The following GLS2 variants were observed in gnomAD, a reference collection of about 807,000 sequenced individuals.
The protein encoded by GLS2 is glutaminase liver isoform, mitochondrial.
GLS2 carries 52 observed loss-of-function variants against 79.0 expected under a neutral mutation model. That is an observed-to-expected ratio of 0.66 (90% CI 0.53 to 0.83). The LOEUF (loss-of-function observed/expected upper bound fraction) is 0.83, where lower values mean the gene tolerates loss of function less well. Ranked by LOEUF, GLS2 falls within the 40% of genes least tolerant of loss-of-function variation. The probability of loss-of-function intolerance (pLI) is 0.00; values close to 1 mark genes in which losing one functional copy is unlikely to be tolerated. For missense variants in GLS2, 561 were observed against 764.8 expected (o/e 0.73, Z 3.14); for synonymous variants, 238 against 280.8 (o/e 0.85, Z 1.52).
chr12:56,475,248 T>C (rs911695979), intron 9 of GLS2, 138 bp from the exon 10 acceptor site: 12 of 1,576,974 alleles, frequency 7.6e-6, no homozygotes, highest in Non-Finnish European at 1.7e-6. Context: ...CTCACAGTAA[T>C]ATTAGAGGAA....
chr12:56,475,034 T>C lies in GLS2; in HGVS notation c.996+10A>G, dbSNP rs1869679247. On this transcript the variant is annotated intron_variant, in intron 10 of 17. Coordinates refer to ENST00000311966, the MANE Select transcript of GLS2 (RefSeq NM_013267.4). ...CCCAGGGACTTTCTCTTCCGGCCTC[T>C]TCTGGTTACCTTCTTTTCCTTGAGA... The C allele has an allele frequency of 6.2e-7, 1 of 1,614,154 alleles. No homozygotes were observed. Among genetic ancestry groups the C allele is most frequent in the Non-Finnish European group, 8.5e-7 (1 of 1,180,042 alleles).
At position 56,473,296 on chromosome 12, in the gene GLS2, G is replaced by A; in HGVS notation, c.1381C>T (p.His461Tyr). The A allele has an allele frequency of 1.9e-6, 3 of 1,614,030 alleles. No homozygotes were observed. Among genetic ancestry groups the A allele is most frequent in the Non-Finnish European group, 1.7e-6 (2 of 1,180,022 alleles). ...CAGTGCCTCAGGTTGTCATAGTTGT[G>A]GAAATTGAAGAGAGACACCAACTTC... Reference protein sequence around the residue: ...CQKLVSLFNFHNYDNLRHCAR... With the variant: ...CQKLVSLFNFYNYDNLRHCAR... Residue 461 changes from histidine (H) to tyrosine (Y), a missense_variant, in exon 14 of 18, where the codon CAC (histidine) becomes TAC (tyrosine). Transcript: ENST00000311966.
At chr12:56,473,171 G>A (rs913277121) in intron 14 of GLS2, 57 bp downstream of exon 14, 5 of 1,519,142 alleles carry the variant, frequency 3.3e-6, no homozygotes, top group East Asian at 2.3e-5. Context: ...TTACAGGCGT[G>A]AGCCACCGCA....
Position 56,474,931 on chromosome 12 carries a change from G to A in GLS2, c.997-35C>T, listed in dbSNP as rs751632176. 5.6e-6 allele frequency: 9 copies of A among 1,613,972 alleles called. No individual in the cohort carries two copies. The South Asian group carries it at 6.6e-5, about 12-fold the overall frequency. On this transcript the variant is annotated intron_variant, in intron 10 of 17. Transcript: ENST00000311966. ...AGAGAGGGGAGAGCATTTCTCTTCA[G>A]GACATCAGCCCTTTCACACTGTCAG...
At position 56,471,519 on chromosome 12, in the gene GLS2, G is replaced by C. The variant is rs889475036; in HGVS notation, c.1777C>G (p.Leu593Val). 2.5e-6 allele frequency: 4 copies of C among 1,613,900 alleles called. No homozygotes were observed. Among genetic ancestry groups the C allele is most frequent in the Non-Finnish European group, 3.4e-6 (4 of 1,179,988 alleles). ...ATGCTTTCTAAGTTCTCTTTGGACA[G>C]GGCCTCAGCTGCTGCCTCAGCCTGA... The part of the protein sequence containing the change: ...ETQAEAAAEA[L>V]SKENLESMV The change falls in exon 18 of 18, where the codon CTG becomes GTG. Residue 593 changes from leucine to valine, a missense_variant. Transcript: ENST00000311966.
intron 3 of GLS2, chr12:56,479,493 C>CATGT: frequency 2.6e-6 from 1 of 388,424 alleles, no homozygotes; most frequent in South Asian, 5.9e-5. Flanking sequence ...TATATATATT[C>CATGT]ATGTATGTAT....
chr12:56,483,022 C>CA (rs1433238949), intron 1 of GLS2, among the ~76,000 whole-genome samples: 3 of 151,954 alleles, frequency 2.0e-5, no homozygotes, highest in African/African-American at 7.2e-5. Flanking sequence ...TCACACACCT[C>CA]AAAAATAACA....
In GLS2 at chr12:56,477,812, G is replaced by A. The variant is rs546570567; in HGVS notation, c.779-94C>T. 3.6e-5 allele frequency: 56 copies of A among 1,542,308 alleles called. 1 individual carries two copies. In the South Asian group the frequency reaches 5.9e-4, roughly 16 times the overall value. ...GTGGGTTAGACAAGAAAGACTGCTA[G>A]GGAGAAAGGCATGACAGGGCTAATC... is the stretch of plus-strand genomic sequence containing the variant. On this transcript the variant is annotated intron_variant, in intron 6 of 17. Coordinates refer to ENST00000311966, the MANE Select transcript of GLS2 (RefSeq NM_013267.4).
intron 16 of GLS2, 97 bp downstream of exon 16, chr12:56,472,022 C>A: frequency 7.2e-7 from 1 of 1,398,172 alleles, no homozygotes; most frequent in South Asian, 1.2e-5. Context: ...AGTTGCTGCC[C>A]CTATAACCTT....
At position 56,480,179 on chromosome 12, in the gene GLS2, A is replaced by G. The variant is rs143300097; in HGVS notation, c.282+109T>C. 5.3e-6 allele frequency: 5 copies of G among 937,450 alleles called. No homozygotes were observed. In the African/African-American group the frequency reaches 8.1e-5, roughly 15 times the overall value. The allele number at this position is 937,450 out of a possible 1,614,324, so 58.1% of individuals were successfully genotyped here. ...GGATTCTCATCCATCTGTATGCTTC[A>G]CCCTCATGTAGCAACCCATTAGCTG... is the stretch of plus-strand genomic sequence containing the variant. On this transcript the variant is annotated intron_variant, in intron 2 of 17. Transcript: ENST00000311966.
At chr12:56,485,518 G>T (rs1380668645) in intron 1 of GLS2, among the ~76,000 whole-genome samples, 1 of 151,824 alleles carries the variant, frequency 6.6e-6, no homozygotes, top group Non-Finnish European at 1.5e-5. Context: ...CCCTGCCTTG[G>T]CCACCCACAG....
chr12:56,475,154 G>A (rs746412873), intron 9 of GLS2, 44 bp from the exon 10 acceptor site: 7 of 1,612,414 alleles, frequency 4.3e-6, no homozygotes, highest in Non-Finnish European at 4.2e-6. Context: ...GGAGGAGTGG[G>A]TGTTGGGAGA....
intron 1 of GLS2, among the ~76,000 whole-genome samples, chr12:56,486,256 G>A (rs73114885): frequency 3.3e-5 from 5 of 152,128 alleles, no homozygotes; most frequent in African/African-American, 9.6e-5. Flanking sequence ...GAAGAAACAA[G>A]GTCCCCTAAA....
At chr12:56,480,649 T>G (rs1870206184) in intron 1 of GLS2, among the ~76,000 whole-genome samples, 1 of 152,192 alleles carries the variant, frequency 6.6e-6, no homozygotes, top group South Asian at 2.1e-4. Flanking sequence ...CCACAAGCAC[T>G]GAAAAATATG....
chr12:56,475,023 C>T, intron 10 of GLS2, 21 bp downstream of exon 10: 4 of 1,614,084 alleles, frequency 2.5e-6, no homozygotes, highest in Non-Finnish European at 3.4e-6. Flanking sequence ...GGGACTTTCT[C>T]TTCCGGCCTC....
At chr12:56,475,792 T>C in intron 8 of GLS2, 110 bp from the exon 9 acceptor site, 3 of 1,275,016 alleles carry the variant, frequency 2.4e-6, no homozygotes, top group South Asian at 2.5e-5. Flanking sequence ...GGCTTTCCTC[T>C]CTGAGGCCAG....
In GLS2 at chr12:56,472,488, A is replaced by G. The variant is rs192026320; in HGVS notation, c.1511+202T>C. 2.2e-3 allele frequency: 1,351 copies of G among 613,688 alleles called. 9 individuals are homozygous for G. The highest frequency in any genetic ancestry group is 1.6e-3 in the Non-Finnish European group (546 of 350,376). The allele number at this position is 613,688 out of a possible 1,614,324, so 38.0% of individuals were successfully genotyped here. The stretch of plus-strand genomic sequence containing the variant: ...ACACTGCTCTTAACACTCAATAACA[A>G]TGGCTAACATTAATTATCATAGAGC... On this transcript the variant is annotated intron_variant, in intron 15 of 17. Transcript: ENST00000311966.
At chr12:56,479,452 T>C in intron 3 of GLS2, 1 of 400,626 alleles carries the variant, frequency 2.5e-6, no homozygotes, top group Non-Finnish European at 4.4e-6. Flanking sequence ...TACCTTGATA[T>C]TTAAAAAATC....
chr12:56,480,417 G>A (rs1433594478), intron 1 of GLS2, 30 bp from the exon 2 acceptor site: 3 of 1,578,032 alleles, frequency 1.9e-6, no homozygotes, highest in African/African-American at 1.3e-5. Context: ...GGGGAGGAAA[G>A]TGGGGCCTGA....
Sources: allele counts gnomAD v4.1 joint callset (sites outside exome capture counted in the v4.1 genomes callset), GRCh38; gene constraint gnomAD v4.1.1; transcripts MANE v1.5; gene names NCBI Gene and HGNC (gene_info 2026-07-23, HGNC 2026-07-21).